Variants in PDE4D observed in about 807,000 individuals in gnomAD.
PDE4D encodes the protein phosphodiesterase 4D.
Under a neutral mutation model 87.4 loss-of-function variants are expected in PDE4D, and 24 were observed. The ratio of observed to expected loss-of-function variants is 0.27; its 90% CI spans 0.20 to 0.39. PDE4D has a LOEUF of 0.39. Among genes scored for constraint, PDE4D ranks in the 10% least tolerant of loss-of-function variants. The pLI, the probability that PDE4D is intolerant of heterozygous loss-of-function variation, is 1.00. For missense variants in PDE4D, 714 were observed against 1,041.0 expected (o/e 0.69, Z 4.32); for synonymous variants, 384 against 383.2 (o/e 1.00, Z -0.02).
At position 60,364,742 on chromosome 5, in the gene PDE4D, GC is replaced by G. The variant is rs567383698; in HGVS notation, c.-90+123199del. Reference sequence around the variant, plus strand: ...TGGTGCTTAGTCGTTAAAACAGGTGGCATTTCTATCAAGAAGTTTCCTATTT... The same window carrying G: ...TGGTGCTTAGTCGTTAAAACAGGTGGATTTCTATCAAGAAGTTTCCTATTT... On this transcript the variant is annotated intron_variant, in intron 1 of 16. Transcript: ENST00000502484. Among the ~76,000 whole-genome samples the G allele has an allele frequency of 4.6e-5, 7 of 152,272 alleles. 1 individual carries two copies. Among genetic ancestry groups the G allele is most frequent in the African/African-American group, 1.7e-4 (7 of 41,564 alleles).
At chr5:59,256,615 G>A (rs1761015421) in intron 1 of PDE4D, among the ~76,000 whole-genome samples, 1 of 152,068 alleles carries the variant, frequency 6.6e-6, no homozygotes, top group Non-Finnish European at 1.5e-5. Context: ...ATCACGTTTT[G>A]ATGATGTTAC....
At chr5:59,731,541 G>T (rs1389615575) in intron 1 of PDE4D, among the ~76,000 whole-genome samples, 2 of 148,270 alleles carry the variant, frequency 1.3e-5, no homozygotes, top group Admixed American at 1.4e-4. Context: ...GTTTTCTATT[G>T]CTTATAGCTG....
chr5:59,406,705 T>C (rs905968344), intron 1 of PDE4D, among the ~76,000 whole-genome samples: 3 of 152,070 alleles, frequency 2.0e-5, no homozygotes, highest in Non-Finnish European at 4.4e-5. Flanking sequence ...CCTTTTCATC[T>C]CTGATTTTAT....
chr5:60,395,371 T>C (rs1392775698), intron 1 of PDE4D, among the ~76,000 whole-genome samples: 3 of 152,194 alleles, frequency 2.0e-5, no homozygotes, highest in African/African-American at 4.8e-5. Flanking sequence ...CAATGGTTCA[T>C]AATTATATCT....
At chr5:59,627,918 T>C (rs997933730) in intron 1 of PDE4D, among the ~76,000 whole-genome samples, 5 of 152,156 alleles carry the variant, frequency 3.3e-5, no homozygotes, top group African/African-American at 4.8e-5. Context: ...TGCACCCATA[T>C]TTTATCCTCA....
chr5:59,584,349 T>C (rs1438569073), intron 1 of PDE4D, among the ~76,000 whole-genome samples: 4 of 152,204 alleles, frequency 2.6e-5, no homozygotes, highest in Non-Finnish European at 5.9e-5. Flanking sequence ...AATGAATCCC[T>C]GCAAGGGGCC....
At chr5:59,703,270 T>A (rs1487317362) in intron 1 of PDE4D, among the ~76,000 whole-genome samples, 1 of 152,212 alleles carries the variant, frequency 6.6e-6, no homozygotes, top group African/African-American at 2.4e-5. Context: ...ACATCACATT[T>A]TACAACTTAC....
At chr5:60,263,777 A>G (rs1749891816) in intron 1 of PDE4D, among the ~76,000 whole-genome samples, 1 of 152,110 alleles carries the variant, frequency 6.6e-6, no homozygotes, top group African/African-American at 2.4e-5. Context: ...AAAAATAAAC[A>G]CCTATTATGA....
chr5:60,224,810 C>T (rs1203062150), intron 1 of PDE4D, among the ~76,000 whole-genome samples: 1 of 152,012 alleles, frequency 6.6e-6, no homozygotes, highest in African/African-American at 2.4e-5. Context: ...GACTCTGTCC[C>T]TTCATGGGAG....
rs1471376822 is a variant in PDE4D, at chr5:58,974,398, A to T, written c.*266T>A. The stretch of plus-strand genomic sequence containing the variant: ...CTCTCTTGAAAATAATTTGGAGTAG[A>T]TTTTATCTGCTTTGTCAGCTCTACC... On this transcript the variant is annotated 3_prime_UTR_variant, in exon 15 of 15. Coordinates refer to ENST00000340635, the MANE Select transcript of PDE4D (RefSeq NM_001104631.2). The T allele has an allele frequency of 3.4e-6, 1 of 294,402 alleles. No homozygotes were observed. The highest frequency in any genetic ancestry group is 2.2e-5 in the African/African-American group (1 of 46,500). 18.2% of individuals were successfully genotyped at this position (294,402 alleles called of 1,614,324 possible).
intron 1 of PDE4D, among the ~76,000 whole-genome samples, chr5:59,448,286 C>T (rs1017519792): frequency 3.3e-5 from 5 of 152,134 alleles, no homozygotes; most frequent in African/African-American, 9.7e-5. Context: ...CCCCAATATT[C>T]CCTCAACCAC....
At chr5:59,602,902 T>C (rs1206692920) in intron 1 of PDE4D, among the ~76,000 whole-genome samples, 1 of 152,048 alleles carries the variant, frequency 6.6e-6, no homozygotes, top group Non-Finnish European at 1.5e-5. Context: ...AGTGAACTTA[T>C]TTTCAACAAA....
chr5:59,010,251 C>T (rs988308382), intron 6 of PDE4D, among the ~76,000 whole-genome samples: 2 of 152,006 alleles, frequency 1.3e-5, no homozygotes, highest in Admixed American at 6.6e-5. Context: ...TGCTTGAGCC[C>T]GGGAGGCAGA....
At chr5:59,858,188 G>A (rs1004052237) in intron 1 of PDE4D, among the ~76,000 whole-genome samples, 1 of 152,088 alleles carries the variant, frequency 6.6e-6, no homozygotes, top group Non-Finnish European at 1.5e-5. Context: ...GTATCTGAGA[G>A]GTGAATGAGT....
At chr5:60,406,079 C>A (rs554296373) in intron 1 of PDE4D, among the ~76,000 whole-genome samples, 1 of 151,822 alleles carries the variant, frequency 6.6e-6, no homozygotes, top group Non-Finnish European at 1.5e-5. Context: ...TTTCCATTCT[C>A]ATCATTGGAA....
chr5:60,407,636 A>G (rs918505939), intron 1 of PDE4D, among the ~76,000 whole-genome samples: 3 of 151,092 alleles, frequency 2.0e-5, no homozygotes, highest in Non-Finnish European at 2.9e-5. Flanking sequence ...TATTTTTAGT[A>G]GAGATGGGGT....
Position 60,121,845 on chromosome 5 carries a change from C to G in PDE4D, c.42+63712G>C, listed in dbSNP as rs141792488. 3.8e-3 allele frequency among the ~76,000 whole-genome samples: 573 copies of G among 152,306 alleles called. 5 individuals carry two copies. Among genetic ancestry groups the G allele is most frequent in the African/African-American group, 0.013 (541 of 41,558 alleles). ...AAAAGTCAACAGTCCAAAGTCTCATCTGAGACAAGGCAAGTTCCTTCCACC... is the reference window on the plus strand; with the variant it reads ...AAAAGTCAACAGTCCAAAGTCTCATGTGAGACAAGGCAAGTTCCTTCCACC... On this transcript the variant is annotated intron_variant, in intron 2 of 16. Coordinates refer to the PDE4D transcript ENST00000502484.
chr5:59,569,519 A>G (rs543369474), intron 1 of PDE4D, among the ~76,000 whole-genome samples: 32 of 152,322 alleles, frequency 2.1e-4, no homozygotes, highest in Non-Finnish European at 2.5e-4. Context: ...ATGATTTTTT[A>G]TCATTGCAAA....
chr5:59,060,180 A>G (rs1363343733), intron 5 of PDE4D, among the ~76,000 whole-genome samples: 2 of 152,158 alleles, frequency 1.3e-5, no homozygotes, highest in African/African-American at 4.8e-5. Flanking sequence ...GAGCAGCCAT[A>G]TTGGATGGTG....
Sources: allele counts gnomAD v4.1 joint callset (sites outside exome capture counted in the v4.1 genomes callset), GRCh38; gene constraint gnomAD v4.1.1; transcripts MANE v1.5; gene names NCBI Gene and HGNC (gene_info 2026-07-23, HGNC 2026-07-21).